The following CDHR3 variants were observed in gnomAD, a reference collection of about 807,000 sequenced individuals.
CDHR3 encodes cadherin related family member 3.
Under a neutral mutation model 86.6 loss-of-function variants are expected in CDHR3, and 79 were observed. The observed-to-expected ratio is 0.91, with a 90% CI of 0.76 to 1.10. The LOEUF (loss-of-function observed/expected upper bound fraction) is 1.10, where lower values mean the gene tolerates loss of function less well. Among genes scored for constraint, CDHR3 ranks in the 50% least tolerant of loss-of-function variants. CDHR3 has a pLI of 0.00. For synonymous variants in CDHR3, 421 were observed against 402.4 expected, an observed-to-expected ratio of 1.05 and a Z score of -0.55; for missense variants, 1,081 against 1,077.6, an observed-to-expected ratio of 1.00 and a Z score of -0.04.
intron 4 of CDHR3, among the ~76,000 whole-genome samples, chr7:105,989,530 AC>A: frequency 6.6e-6 from 1 of 152,006 alleles, no homozygotes; most frequent in African/African-American, 2.4e-5. Context: ...CCTAGCTACT[AC>A]CTGGACTTTT....
chr7:105,988,362 G>A (rs1369543565), intron 4 of CDHR3, among the ~76,000 whole-genome samples: 1 of 152,196 alleles, frequency 6.6e-6, no homozygotes, highest in Non-Finnish European at 1.5e-5. Context: ...CCACTGGACT[G>A]AACAAACAAG....
At position 106,034,806 on chromosome 7, in the gene CDHR3, G is replaced by C. The variant is rs1585899604; in HGVS notation, c.*2109G>C. Among the ~76,000 whole-genome samples the C allele has an allele frequency of 6.6e-6, 1 of 152,344 alleles. No homozygotes were observed. The highest frequency in any genetic ancestry group is 1.9e-4 in the East Asian group (1 of 5,186). ...AAGAATGATTAAAAGGGCCGGGTGA[G>C]GTGGCTCATGCCTGTAATCCCAGCA... is the stretch of plus-strand genomic sequence containing the variant. On this transcript the variant is annotated 3_prime_UTR_variant, in exon 19 of 19. Transcript: ENST00000317716.
intron 8 of CDHR3, 128 bp from the exon 9 acceptor site, chr7:106,012,732 G>A (rs1835002611): frequency 1.0e-6 from 1 of 996,624 alleles, no homozygotes; most frequent in Admixed American, 2.6e-5. Context: ...GTTAGGAGGT[G>A]ACTGCAATGA....
At chr7:106,011,540 A>T (rs1445092714) in intron 8 of CDHR3, among the ~76,000 whole-genome samples, 2 of 152,192 alleles carry the variant, frequency 1.3e-5, no homozygotes, top group East Asian at 1.9e-4. Context: ...GACCACAGAG[A>T]CCAGCTAAGC....
At chr7:106,026,383 A>G (rs1393854952) in intron 15 of CDHR3, among the ~76,000 whole-genome samples, 1 of 152,208 alleles carries the variant, frequency 6.6e-6, no homozygotes, top group Non-Finnish European at 1.5e-5. Context: ...TAGGGCAGGC[A>G]TGTCCTCACC....
chr7:105,978,168 C>G (rs1829113069), intron 2 of CDHR3, among the ~76,000 whole-genome samples: 1 of 152,206 alleles, frequency 6.6e-6, no homozygotes, highest in Non-Finnish European at 1.5e-5. Context: ...AGCCCTCATG[C>G]TGCGCTGGTT....
chr7:105,988,403 G>T (rs1287199317), intron 4 of CDHR3, among the ~76,000 whole-genome samples: 1 of 152,222 alleles, frequency 6.6e-6, no homozygotes, highest in Non-Finnish European at 1.5e-5. Flanking sequence ...TAAAGCACAT[G>T]CCTGAAGCGA....
At position 105,983,688 on chromosome 7, in the gene CDHR3, C is replaced by T. The variant is rs183337673; in HGVS notation, c.416-504C>T. Among the ~76,000 whole-genome samples, 35 of 152,288 alleles carry T rather than the reference C, an allele frequency of 2.3e-4. No individual in the cohort carries two copies. The East Asian group carries it at 3.9e-3, about 17-fold the overall frequency. ...TCAGTTTTTGGTTCCTCCCTTGAGC[C>T]TCTGTAGCCCTCCCCTACTTATTCT... On this transcript the variant is annotated intron_variant, in intron 3 of 18. Transcript: ENST00000317716.
intron 6 of CDHR3, among the ~76,000 whole-genome samples, chr7:106,000,841 T>G (rs966471900): frequency 6.9e-6 from 1 of 145,126 alleles, no homozygotes; most frequent in East Asian, 2.0e-4. Flanking sequence ...GCTGACCTCA[T>G]GATTAATGCA....
intron 8 of CDHR3, among the ~76,000 whole-genome samples, chr7:106,007,456 C>A (rs895962583): frequency 1.3e-5 from 2 of 152,176 alleles, no homozygotes; most frequent in South Asian, 2.1e-4. Flanking sequence ...TAACAGCACC[C>A]AAGTCACATC....
At chr7:106,015,074 TTAATCTGTA>T (rs1563288485) in intron 9 of CDHR3, 28 bp from the exon 10 acceptor site, 2 of 1,502,742 alleles carry the variant, frequency 1.3e-6, no homozygotes, top group Non-Finnish European at 1.8e-6. Flanking sequence ...ATAGGATTGT[TTAATCTGTA>T]TAATCTACTA....
intron 6 of CDHR3, among the ~76,000 whole-genome samples, chr7:105,999,184 G>T (rs919530412): frequency 2.0e-5 from 3 of 152,232 alleles, no homozygotes; most frequent in Non-Finnish European, 2.9e-5. Context: ...GCTTTGAATA[G>T]CTCTTAACTG....
At position 106,027,648 on chromosome 7, in the gene CDHR3, A is replaced by G. The variant is rs189789279; in HGVS notation, c.2273-903A>G. On this transcript the variant is annotated intron_variant, in intron 16 of 18. Transcript: ENST00000317716. ...GGGGAGACAGGACAAAGAATTGGACAGTGTTTTAATTAAAAAAAAAAAAAG... is the reference window on the plus strand; with the variant it reads ...GGGGAGACAGGACAAAGAATTGGACGGTGTTTTAATTAAAAAAAAAAAAAG... The G allele has an allele frequency of 1.6e-3, 734 of 455,018 alleles. 1 individual carries two copies. The highest frequency in any genetic ancestry group is 2.1e-3 in the Non-Finnish European group (477 of 226,348). The allele number at this position is 455,018 out of a possible 1,614,324, so 28.2% of individuals were successfully genotyped here.
chr7:106,013,006 A>T lies in CDHR3; in HGVS notation c.1199A>T (p.Asp400Val). ...GGGAGCGGCAGCAGATTTTTACAGG[A>T]TCCAGCTGGCTCTGGGAAGATTGTG... The part of the protein sequence containing the change: ...GVGSGSRFLQ[D>V]PAGSGKIVLI... Residue 400 changes from aspartate to valine, a missense_variant, in exon 9 of 19, where the codon GAT (aspartate) becomes GTT (valine). Asp to Val is a radical substitution (Grantham distance 152, BLOSUM62 -3). Transcript: ENST00000317716. The T allele has an allele frequency of 6.2e-7, 1 of 1,609,302 alleles. No homozygotes were observed. The highest frequency in any genetic ancestry group is 8.5e-7 in the Non-Finnish European group (1 of 1,178,078).
intron 6 of CDHR3, among the ~76,000 whole-genome samples, chr7:105,999,087 G>A (rs79116993): frequency 1.3e-5 from 2 of 152,350 alleles, no homozygotes; most frequent in East Asian, 1.9e-4. Flanking sequence ...TGGGGGTCAG[G>A]TGTTACGGGG....
chr7:105,985,237 G>A (rs1830354589), intron 4 of CDHR3, among the ~76,000 whole-genome samples: 1 of 152,166 alleles, frequency 6.6e-6, no homozygotes, highest in East Asian at 1.9e-4. Flanking sequence ...ATCCTCAGGT[G>A]AAGCCTCTTA....
At chr7:105,969,135 GC>G (rs1827483497) in intron 1 of CDHR3, among the ~76,000 whole-genome samples, 1 of 150,008 alleles carries the variant, frequency 6.7e-6, no homozygotes, top group African/African-American at 2.5e-5. Context: ...GGTGGCTCAC[GC>G]CTGTAATCCC....
intron 10 of CDHR3, 59 bp downstream of exon 10, chr7:106,015,272 C>G (rs1835423952): frequency 7.0e-7 from 1 of 1,430,404 alleles, no homozygotes; most frequent in Admixed American, 2.0e-5. Flanking sequence ...TGACCAAACT[C>G]TGCTGGGCAA....
At chr7:105,992,884 T>A (rs1170068037) in intron 4 of CDHR3, among the ~76,000 whole-genome samples, 2 of 152,224 alleles carry the variant, frequency 1.3e-5, no homozygotes, top group African/African-American at 4.8e-5. Context: ...TAAAATATGG[T>A]CAATACAACT....
Sources: allele counts gnomAD v4.1 joint callset (sites outside exome capture counted in the v4.1 genomes callset), GRCh38; gene constraint gnomAD v4.1.1; transcripts MANE v1.5; gene names NCBI Gene and HGNC (gene_info 2026-07-23, HGNC 2026-07-21).